Variants in SMG6 observed in about 807,000 individuals in gnomAD.
The protein encoded by SMG6 is SMG6 nonsense mediated mRNA decay factor.
Under a neutral mutation model 142.2 loss-of-function variants are expected in SMG6, and 66 were observed. The observed-to-expected ratio is 0.46, with a 90% CI of 0.38 to 0.57. The LOEUF (loss-of-function observed/expected upper bound fraction) is 0.57, where lower values mean the gene tolerates loss of function less well. Ranked by LOEUF, SMG6 falls within the 20% of genes least tolerant of loss-of-function variation. SMG6 has a pLI of 0.00. For synonymous variants in SMG6, 779 were observed against 702.4 expected (o/e 1.11, Z -1.72); for missense variants, 1,793 against 1,832.0 (o/e 0.98, Z 0.39).
At chr17:2,116,093 C>T (rs1256096280) in intron 13 of SMG6, among the ~76,000 whole-genome samples, 2 of 152,120 alleles carry the variant, frequency 1.3e-5, no homozygotes, top group African/African-American at 2.4e-5. Flanking sequence ...ATTTTTGAGA[C>T]AGGATCTCGC....
intron 6 of SMG6, among the ~76,000 whole-genome samples, chr17:2,286,115 G>C (rs901382198): frequency 1.3e-5 from 2 of 152,132 alleles, no homozygotes; most frequent in African/African-American, 2.4e-5. Flanking sequence ...AGGGTTAAAA[G>C]AAATTAAAGA....
intron 13 of SMG6, among the ~76,000 whole-genome samples, chr17:2,126,715 C>CAA (rs532997926): frequency 0.017 from 1,136 of 66,048 alleles, 19 homozygotes; most frequent in African/African-American, 0.053. Flanking sequence ...GGCTCAGTTT[C>CAA]AAAAAAAAAA....
At chr17:2,298,846 C>G in intron 2 of SMG6, 60 bp downstream of exon 2, 1 of 1,489,552 alleles carries the variant, frequency 6.7e-7, no homozygotes, top group Non-Finnish European at 9.1e-7. Context: ...TCAGCCATAG[C>G]AATCTATACA....
At chr17:2,230,019 C>CTA (rs2073425775) in intron 10 of SMG6, among the ~76,000 whole-genome samples, 1 of 151,230 alleles carries the variant, frequency 6.6e-6, no homozygotes, top group South Asian at 2.1e-4. Context: ...AACCCTGTCT[C>CTA]TACTAAAAAT....
chr17:2,297,359 A>C lies in SMG6; in HGVS notation c.2041-6T>G, dbSNP rs1452054495. 1 of 1,581,852 alleles carries C rather than the reference A, an allele frequency of 6.3e-7. No homozygotes were observed. Among genetic ancestry groups the C allele is most frequent in the East Asian group, 2.2e-5 (1 of 44,654 alleles). On this transcript the variant is annotated splice_polypyrimidine_tract_variant and splice_region_variant and intron_variant, in intron 3 of 18. Coordinates refer to ENST00000263073, the MANE Select transcript of SMG6 (RefSeq NM_017575.5). ...CTATCAAAGAAGTCACTACCCTATA[A>C]AAAGAAAAAAAGAAATGACTGAATC... is the stretch of plus-strand genomic sequence containing the variant.
At chr17:2,245,432 C>A (rs998104732) in intron 8 of SMG6, among the ~76,000 whole-genome samples, 10 of 152,292 alleles carry the variant, frequency 6.6e-5, no homozygotes, top group Admixed American at 5.2e-4. Flanking sequence ...GTCACCCAGG[C>A]TGGAGTGCAG....
intron 16 of SMG6, chr17:2,066,002 C>T (rs185748205): frequency 1.8e-4 from 68 of 373,378 alleles, no homozygotes; most frequent in African/African-American, 1.1e-3. Context: ...ACAGGACTCA[C>T]GTGAAAGGGT....
chr17:2,137,574 G>A (rs2070344667), intron 13 of SMG6, among the ~76,000 whole-genome samples: 1 of 152,090 alleles, frequency 6.6e-6, no homozygotes, highest in African/African-American at 2.4e-5. Context: ...GAGTTTAAAA[G>A]AAAAGGCAAC....
chr17:2,176,356 G>A (rs1164102322), intron 12 of SMG6, among the ~76,000 whole-genome samples: 1 of 152,212 alleles, frequency 6.6e-6, no homozygotes, highest in African/African-American at 2.4e-5. Context: ...GGGTGGCGAT[G>A]AGGATCTGTA....
At chr17:2,204,095 C>A (rs1253264106) in intron 10 of SMG6, among the ~76,000 whole-genome samples, 1 of 152,152 alleles carries the variant, frequency 6.6e-6, no homozygotes, top group Non-Finnish European at 1.5e-5. Flanking sequence ...TCTGAAGTAA[C>A]TGGGACCACA....
rs573878674 is a variant in SMG6 at position 2,110,634 on chromosome 17, C to T, written c.3358-24733G>A. On this transcript the variant is annotated intron_variant, in intron 13 of 18. Coordinates refer to ENST00000263073, the MANE Select transcript of SMG6 (RefSeq NM_017575.5). ...CAAAGGAAAGCAGACGGAAGAAAGA[C>T]CCTGATGAGGTGCTCAAGTCCATCA... Among the ~76,000 whole-genome samples, 8 of 152,200 alleles carry T rather than the reference C, an allele frequency of 5.3e-5. No individual in the cohort carries two copies. The South Asian group carries it at 1.7e-3, about 32-fold the overall frequency.
chr17:2,262,182 A>T (rs2074330262), intron 8 of SMG6, among the ~76,000 whole-genome samples: 1 of 152,240 alleles, frequency 6.6e-6, no homozygotes, highest in South Asian at 2.1e-4. Flanking sequence ...AGTCAAGAAT[A>T]GGACTTAGTG....
intron 13 of SMG6, among the ~76,000 whole-genome samples, chr17:2,097,019 A>G (rs1445791405): frequency 6.6e-6 from 1 of 152,232 alleles, no homozygotes; most frequent in Non-Finnish European, 1.5e-5. Context: ...TCAGAGCCAC[A>G]AGAGAACCTC....
intron 10 of SMG6, among the ~76,000 whole-genome samples, chr17:2,191,860 G>A (rs1050373763): frequency 2.6e-5 from 4 of 152,184 alleles, no homozygotes; most frequent in Non-Finnish European, 4.4e-5. Flanking sequence ...GAAATGGAGC[G>A]GCCGGGAGAA....
chr17:2,301,790 G>C (rs895993357), intron 1 of SMG6, among the ~76,000 whole-genome samples: 7 of 152,148 alleles, frequency 4.6e-5, no homozygotes, highest in Non-Finnish European at 7.4e-5. Context: ...TGCAGTACGC[G>C]GAGATCGCGC....
At chr17:2,166,009 TGA>T (rs1254469025) in intron 13 of SMG6, among the ~76,000 whole-genome samples, 1 of 152,090 alleles carries the variant, frequency 6.6e-6, no homozygotes, top group Non-Finnish European at 1.5e-5. Flanking sequence ...GTCAGGAGTC[TGA>T]GACCAGCCTG....
rs2069345529 is a variant in SMG6 at position 2,112,251 on chromosome 17, T to C, written c.3358-26350A>G. Among the ~76,000 whole-genome samples the C allele has an allele frequency of 2.6e-5, 4 of 151,220 alleles. 1 individual carries two copies. The highest frequency in any genetic ancestry group is 2.0e-4 in the Admixed American group (3 of 15,168). The stretch of plus-strand genomic sequence containing the variant: ...CGGGCGCGGTGGCTCACGCCTGTAA[T>C]CCCAGCACTTTGGGAGGCTGAGGCG... On this transcript the variant is annotated intron_variant, in intron 13 of 18. Transcript: ENST00000263073.
In SMG6 at chr17:2,260,847, T is replaced by C. The variant is rs1278566911; in HGVS notation, c.2662-16128A>G. On this transcript the variant is annotated intron_variant, in intron 8 of 18. Coordinates refer to ENST00000263073, the MANE Select transcript of SMG6 (RefSeq NM_017575.5). ...CCTGTCTCTACTGAAAATACAAAAA[T>C]TAGCTGGGTGTGATGGCGGGTGCCT... Among the ~76,000 whole-genome samples the C allele has an allele frequency of 2.0e-5, 3 of 150,050 alleles. No individual in the cohort carries two copies. In the Admixed American group the frequency reaches 2.0e-4, roughly 10 times the overall value.
In SMG6 at chr17:2,066,341, CGTGT is replaced by C. The variant is rs533941712; in HGVS notation, c.3836-666_3836-663del. Reference sequence around the variant, plus strand: ...GTGTGTACATGTGTGTATGTGTATGCGTGTATGTGTGTACATGTGTGTATATGTC... The same window carrying C: ...GTGTGTACATGTGTGTATGTGTATGCATGTGTGTACATGTGTGTATATGTC... On this transcript the variant is annotated intron_variant, in intron 16 of 18. Coordinates refer to ENST00000263073, the MANE Select transcript of SMG6 (RefSeq NM_017575.5). Among the ~76,000 whole-genome samples, 4 of 149,022 alleles carry C rather than the reference CGTGT, an allele frequency of 2.7e-5. No individual in the cohort carries two copies. The South Asian group carries it at 8.7e-4, about 33-fold the overall frequency.
Sources: gnomAD v4.1 joint callset for allele counts (sites outside exome capture counted in the v4.1 genomes callset) on GRCh38, gnomAD v4.1.1 for gene constraint, MANE v1.5 for transcripts, NCBI Gene and HGNC (gene_info 2026-07-23, HGNC 2026-07-21) for gene names.